Variants in TRPM4 observed in about 807,000 individuals in gnomAD.
TRPM4 encodes calcium-activated non-selective cation channel 1.
TRPM4 carries 124 observed loss-of-function variants against 135.6 expected under a neutral mutation model. That is an observed-to-expected ratio of 0.91 (90% confidence interval 0.79 to 1.06). TRPM4 has a LOEUF of 1.06. Among genes scored for constraint, TRPM4 ranks in the 50% least tolerant of loss-of-function variants. TRPM4 has a pLI of 0.00. For synonymous variants in TRPM4, 745 were observed against 705.6 expected, an observed-to-expected ratio of 1.06 and a Z score of -0.88; for missense variants, 1,658 against 1,671.4, an observed-to-expected ratio of 0.99 and a Z score of 0.14.
intron 4 of TRPM4, 55 bp downstream of exon 4, chr19:49,168,152 C>T (rs981588493): frequency 4.4e-6 from 7 of 1,588,802 alleles, no homozygotes; most frequent in Non-Finnish European, 6.0e-6. Context: ...CTGCCATCTC[C>T]CCCACGACTG....
chr19:49,184,232 G>T (rs528134406), intron 12 of TRPM4, among the ~76,000 whole-genome samples: 1 of 151,820 alleles, frequency 6.6e-6, no homozygotes, highest in Non-Finnish European at 1.5e-5. Flanking sequence ...ATTCTGTATG[G>T]TGTCTCGCAA....
chr19:49,199,707 A>G (rs1175805), intron 17 of TRPM4, among the ~76,000 whole-genome samples: 3,528 of 145,446 alleles, frequency 0.024, 128 homozygotes, highest in African/African-American at 0.084. Context: ...TTTCACTTTC[A>G]CTTTTGTATG....
At chr19:49,158,332 C>T in intron 2 of TRPM4, 73 bp downstream of exon 2, 1 of 1,337,036 alleles carries the variant, frequency 7.5e-7, no homozygotes. Flanking sequence ...TGGTCACGCC[C>T]CAGCCCTGCT....
At chr19:49,159,829 C>A (rs1005811449) in intron 2 of TRPM4, 2 of 152,190 alleles carry the variant, frequency 1.3e-5, no homozygotes, top group African/African-American at 4.8e-5. Context: ...GAAGTATCCA[C>A]ATTCCTACTT....
chr19:49,184,288 C>A (rs1351339938), intron 12 of TRPM4, among the ~76,000 whole-genome samples: 5 of 151,408 alleles, frequency 3.3e-5, no homozygotes, highest in African/African-American at 1.2e-4. Flanking sequence ...TTTCTTTTTT[C>A]TCCTCAGGCT....
rs150391806 is a variant in TRPM4, at chr19:49,211,240, C to T, written c.3611C>T (p.Pro1204Leu). The change falls in exon 24 of 25, where the codon CCG becomes CTG. Residue 1204 changes from proline to leucine, a missense_variant. Coordinates refer to ENST00000252826, the MANE Select transcript of TRPM4 (RefSeq NM_017636.4). The surrounding 1 kb of genome is among the most constrained non-coding windows in gnomAD (Gnocchi z 4.8). ...SRSALLPPGG[P>L]PPPDLPGSKD ...TCTGCCTTGCTGCCCCCAGGTGGGC[C>T]GCCACCCCCTGACCTGCCTGGGTCC... 5,013 of 1,589,480 alleles carry T rather than the reference C, an allele frequency of 3.2e-3. 11 individuals carry two copies. The highest frequency in any genetic ancestry group is 6.1e-3 in the Middle Eastern group (37 of 6,030).
At position 49,210,161 on chromosome 19, in the gene TRPM4, C is replaced by T; in HGVS notation, c.3132-48C>T. ...TGGCATCTAACCTTCGTCCTTGCCC[C>T]TGGCTGGGCCCTGACCTCAAGTGAC... On this transcript the variant is annotated intron_variant, in intron 20 of 24. Coordinates refer to ENST00000252826, the MANE Select transcript of TRPM4 (RefSeq NM_017636.4). The surrounding 1 kb of genome is among the most constrained non-coding windows in gnomAD (Gnocchi z 4.1). The T allele has an allele frequency of 6.2e-7, 1 of 1,602,224 alleles. No homozygotes were observed. Among genetic ancestry groups the T allele is most frequent in the Non-Finnish European group, 8.6e-7 (1 of 1,169,084 alleles).
chr19:49,209,687 C>T (rs111283888), intron 20 of TRPM4, among the ~76,000 whole-genome samples: 2,239 of 151,574 alleles, frequency 0.015, 66 homozygotes, highest in African/African-American at 0.052. Flanking sequence ...CACCTTATAC[C>T]GTGATACCAT....
chr19:49,205,968 G>A (rs930995730), intron 20 of TRPM4, among the ~76,000 whole-genome samples: 2 of 151,546 alleles, frequency 1.3e-5, no homozygotes, highest in African/African-American at 4.8e-5. Context: ...CAGTTTTTTG[G>A]GTTTTTTTTG....
At chr19:49,175,562 C>T (rs1005277686) in intron 9 of TRPM4, among the ~76,000 whole-genome samples, 7 of 151,898 alleles carry the variant, frequency 4.6e-5, no homozygotes, top group Non-Finnish European at 8.8e-5. Context: ...CCCAGATACA[C>T]GGTGGCAATA....
In TRPM4 at chr19:49,211,523, A is replaced by G; in HGVS notation, c.*25A>G. On this transcript the variant is annotated 3_prime_UTR_variant, in exon 25 of 25. Transcript: ENST00000252826. The surrounding 1 kb of genome is among the most constrained non-coding windows in gnomAD (Gnocchi z 4.8). Reference sequence around the variant, plus strand: ...AGCCCTGCTGGCGGACTTCAAGGAGAAGCCCCCACAGGGGATTTTGCTCCT... The same window carrying G: ...AGCCCTGCTGGCGGACTTCAAGGAGGAGCCCCCACAGGGGATTTTGCTCCT... 6.2e-7 allele frequency: 1 copy of G among 1,613,754 alleles called. No homozygotes were observed. Among genetic ancestry groups the G allele is most frequent in the South Asian group, 1.1e-5 (1 of 91,070 alleles).
At position 49,172,046 on chromosome 19, in the gene TRPM4, T is replaced by C. The variant is rs766268495; in HGVS notation, c.1088T>C (p.Val363Ala). The change falls in exon 9 of 25, where the codon GTC (valine) becomes GCC (alanine). Residue 363 changes from valine (V) to alanine (A), a missense_variant. Around this residue, in one of 3 missense-constraint regions of TRPM4, gnomAD observed 1,412 missense variants for 1,408.7 expected, o/e 1.00. Transcript: ENST00000252826. ...RIMTRKELLT[V>A]YSSEDGSEEF... ...ATGACCCGGAAGGAGCTCCTGACAG[T>C]CTATTCTTCTGAGGATGGGTCTGAG... 2 of 1,613,888 alleles carry C rather than the reference T, an allele frequency of 1.2e-6. No individual in the cohort carries two copies. Among genetic ancestry groups the C allele is most frequent in the South Asian group, 1.1e-5 (1 of 91,066 alleles).
At position 49,190,303 on chromosome 19, in the gene TRPM4, C is replaced by A. The variant is rs760249359; in HGVS notation, c.2115C>A (p.Thr705=). ...TCTTTTGCCCTCCACTCATCTACACCCGCCTCATCACCTTCAGGTCAGTAC... is the reference window on the plus strand; with the variant it reads ...TCTTTTGCCCTCCACTCATCTACACACGCCTCATCACCTTCAGGTCAGTAC... ...LAFFCPPLIY[T]RLITFRKSEE... Residue 705 remains threonine (T), a synonymous_variant, in exon 15 of 25, where the codon ACC becomes ACA. Transcript: ENST00000252826. 1 of 1,614,208 alleles carries A rather than the reference C, an allele frequency of 6.2e-7. No homozygotes were observed. Among genetic ancestry groups the A allele is most frequent in the Non-Finnish European group, 8.5e-7 (1 of 1,180,026 alleles).
intron 2 of TRPM4, chr19:49,158,611 CATT>C: frequency 3.5e-6 from 1 of 283,904 alleles, no homozygotes; most frequent in Non-Finnish European, 6.8e-6. Context: ...TTCATTCATT[CATT>C]CATTCATCCA....
intron 9 of TRPM4, among the ~76,000 whole-genome samples, chr19:49,176,814 GC>G (rs2122878596): frequency 6.6e-6 from 1 of 152,328 alleles, no homozygotes; most frequent in Admixed American, 6.5e-5. Context: ...TCGTGCCACT[GC>G]ACTCCAGCCT....
chr19:49,173,243 T>C (rs1967542025), intron 9 of TRPM4, among the ~76,000 whole-genome samples: 1 of 151,348 alleles, frequency 6.6e-6, no homozygotes, highest in Non-Finnish European at 1.5e-5. Flanking sequence ...TACTCATTCC[T>C]CCATCCATCC....
At chr19:49,182,444 C>CCATT (rs1568470996) in intron 10 of TRPM4, 134 bp from the exon 11 acceptor site, 1 of 720,952 alleles carries the variant, frequency 1.4e-6, no homozygotes, top group African/African-American at 1.9e-5. Flanking sequence ...ATTCATCCAT[C>CCATT]CATCCACCCA....
Position 49,188,699 on chromosome 19 carries a change from G to A in TRPM4, c.1802G>A (p.Arg601His), listed in dbSNP as rs1406492047. 3 of 1,614,154 alleles carry A rather than the reference G, an allele frequency of 1.9e-6. No homozygotes were observed. Among genetic ancestry groups the A allele is most frequent in the Non-Finnish European group, 2.5e-6 (3 of 1,180,036 alleles). ...TGTTTGCTGCTCCGGGTGATGGCAC[G>A]CCTGGAGCCTGACGCTGAGGAGGCA... ...GACLLLRVMARLEPDAEEAAR... is the reference protein window; with the variant it reads ...GACLLLRVMAHLEPDAEEAAR... Residue 601 changes from arginine (R) to histidine (H), a missense_variant, in exon 13 of 25, where the codon CGC (arginine) becomes CAC (histidine). By Grantham distance (29) the Arg-to-His change is conservative. This residue lies in a region of TRPM4 where 1,412 missense variants were observed against 1,408.7 expected (regional missense o/e 1.00). Transcript: ENST00000252826.
At chr19:49,202,191 C>G (rs1247940894) in intron 20 of TRPM4, 50 bp downstream of exon 20, 1 of 1,598,378 alleles carries the variant, frequency 6.3e-7, no homozygotes, top group Admixed American at 1.7e-5. Context: ...TGACCCGTGG[C>G]CCTCTCATGA....
Sources: allele counts gnomAD v4.1 joint callset (sites outside exome capture counted in the v4.1 genomes callset), GRCh38; gene constraint gnomAD v4.1.1; regional missense constraint gnomAD v4.1.1; non-coding constraint Gnocchi (gnomAD v3.1); transcripts MANE v1.5; gene names NCBI Gene and HGNC (gene_info 2026-07-23, HGNC 2026-07-21).